The following RASSF3 variants were observed in gnomAD, a reference collection of about 807,000 sequenced individuals.
RASSF3 encodes the protein ras association domain-containing protein 3.
In RASSF3, 19 loss-of-function variants were observed where a neutral mutation model predicts 19.9. The ratio of observed to expected loss-of-function variants is 0.96; its 90% CI spans 0.67 to 1.40. The LOEUF (loss-of-function observed/expected upper bound fraction) is 1.40. Among genes scored for constraint, RASSF3 ranks in the 40% most tolerant of loss-of-function variants. The pLI, the probability that RASSF3 is intolerant of heterozygous loss-of-function variation, is 0.00. For missense variants in RASSF3, 306 were observed against 289.8 expected (o/e 1.06, Z -0.41); for synonymous variants, 110 against 104.2 (o/e 1.06, Z -0.34).
At chr12:64,555,525 G>A (rs998654219) in intron 2 of RASSF3, among the ~76,000 whole-genome samples, 10 of 152,170 alleles carry the variant, frequency 6.6e-5, no homozygotes, top group South Asian at 2.1e-4. Flanking sequence ...CGAGGCAGGC[G>A]GATCATGAGG....
chr12:64,666,099 G>A (rs1201540571), intron 1 of RASSF3, among the ~76,000 whole-genome samples: 1 of 152,246 alleles, frequency 6.6e-6, no homozygotes, highest in Non-Finnish European at 1.5e-5. Context: ...TTTTTATGGA[G>A]CCATGCTTTT....
intron 1 of RASSF3, among the ~76,000 whole-genome samples, chr12:64,664,547 T>G (rs1872484815): frequency 6.6e-6 from 1 of 152,230 alleles, no homozygotes; most frequent in Admixed American, 6.5e-5. Context: ...CCTTAAGTAC[T>G]TGTTTCAACA....
intron 1 of RASSF3, among the ~76,000 whole-genome samples, chr12:64,536,212 T>C (rs12809605): frequency 0.091 from 13,755 of 150,924 alleles, 735 homozygotes; most frequent in Middle Eastern, 0.22. Flanking sequence ...TAGTAGTGAC[T>C]TGTTAGCCAG....
upstream of RASSF3, among the ~76,000 whole-genome samples, chr12:64,606,036 A>G (rs183942768): frequency 1.2e-4 from 19 of 152,366 alleles, no homozygotes; most frequent in African/African-American, 4.3e-4. Context: ...TTTGTCCACA[A>G]TATGGCTACA....
At chr12:64,674,441 C>A (rs1480347484) in intron 1 of RASSF3, among the ~76,000 whole-genome samples, 1 of 152,140 alleles carries the variant, frequency 6.6e-6, no homozygotes, top group Non-Finnish European at 1.5e-5. Flanking sequence ...AGCAGCCAGG[C>A]ACAGTGGCTT....
At chr12:64,583,722 C>T (rs1422947797) in intron 2 of RASSF3, among the ~76,000 whole-genome samples, 1 of 152,186 alleles carries the variant, frequency 6.6e-6, no homozygotes, top group African/African-American at 2.4e-5. Flanking sequence ...TTCCATCCAA[C>T]TCCTCCACCC....
In RASSF3 at chr12:64,555,618, G is replaced by A. The variant is rs139612641; in HGVS notation, c.294+13913G>A. On this transcript the variant is annotated intron_variant, in intron 2 of 5. Transcript: ENST00000637125. ...CAAAAAATTAGCAAGGTATGGTGGC[G>A]GGCGCTTATAGTCCCAGCTACTCGG... is the stretch of plus-strand genomic sequence containing the variant. Among the ~76,000 whole-genome samples, 587 of 152,152 alleles carry A rather than the reference G, an allele frequency of 3.9e-3. 5 individuals carry two copies. Among genetic ancestry groups the A allele is most frequent in the Non-Finnish European group, 6.0e-3 (410 of 67,990 alleles).
chr12:64,618,540 A>G (rs1171881940), intron 1 of RASSF3, among the ~76,000 whole-genome samples: 1 of 151,858 alleles, frequency 6.6e-6, no homozygotes, highest in East Asian at 1.9e-4. Context: ...TGTTGGCCAG[A>G]CTGGTCTCAA....
intron 1 of RASSF3, among the ~76,000 whole-genome samples, chr12:64,522,679 T>C (rs1868503953): frequency 6.6e-6 from 1 of 151,894 alleles, no homozygotes; most frequent in African/African-American, 2.4e-5. Flanking sequence ...GCCAGGAGTC[T>C]CAACGCAAGA....
At chr12:64,679,522 C>G (rs1224457628) in intron 1 of RASSF3, among the ~76,000 whole-genome samples, 3 of 152,146 alleles carry the variant, frequency 2.0e-5, no homozygotes, top group Non-Finnish European at 2.9e-5. Context: ...CTTAGAAAGT[C>G]TGAGTTGTGA....
At chr12:64,556,892 A>C (rs1241941209) in intron 2 of RASSF3, among the ~76,000 whole-genome samples, 2 of 137,824 alleles carry the variant, frequency 1.5e-5, no homozygotes, top group Non-Finnish European at 3.0e-5. Context: ...GCTGAAGTGC[A>C]GTGGTGCCAT....
At chr12:64,578,553 G>A (rs1489288719) in intron 2 of RASSF3, among the ~76,000 whole-genome samples, 1 of 152,164 alleles carries the variant, frequency 6.6e-6, no homozygotes, top group Non-Finnish European at 1.5e-5. Context: ...CTGCTCCTCT[G>A]GACACTGAGG....
At chr12:64,610,317 GGGGCGGGCCGGGCTCCCCCCACCTGC>G (rs984853939), upstream of RASSF3, among the ~76,000 whole-genome samples, 6 of 150,846 alleles carry the variant, frequency 4.0e-5, no homozygotes, top group African/African-American at 9.7e-5. Context: ...GCGCCTGGAA[GGGGCGGGCCGGGCTCCCCCCACCTGC>G]GGGCGGGCGG....
rs537447828 is a variant in RASSF3 at position 64,658,947 on chromosome 12, G to T, written c.112-25840G>T. 2.6e-5 allele frequency among the ~76,000 whole-genome samples: 4 copies of T among 152,300 alleles called. No individual in the cohort carries two copies. In the South Asian group the frequency reaches 8.3e-4, roughly 32 times the overall value. On this transcript the variant is annotated intron_variant, in intron 1 of 4. Transcript: ENST00000542104. ...TAGCCAGGTGTGGTGATGTACACCT[G>T]TAGTCCCAGCTACTCAGGAAGCAGA...
intron 1 of RASSF3, among the ~76,000 whole-genome samples, chr12:64,508,479 C>T (rs1479606540): frequency 1.3e-5 from 2 of 151,234 alleles, no homozygotes; most frequent in East Asian, 1.9e-4. Context: ...ATCATGCCAC[C>T]GTACTCCAGC....
chr12:64,656,323 A>G (rs565172824), intron 1 of RASSF3, among the ~76,000 whole-genome samples: 4 of 152,262 alleles, frequency 2.6e-5, no homozygotes, highest in Non-Finnish European at 4.4e-5. Flanking sequence ...GGCTGTGACT[A>G]CTAGTGGGCC....
chr12:64,588,857 T>C (rs1869863093), intron 2 of RASSF3, among the ~76,000 whole-genome samples: 1 of 152,208 alleles, frequency 6.6e-6, no homozygotes, highest in Non-Finnish European at 1.5e-5. Context: ...AAGATGACTT[T>C]AATGTCTATA....
intron 1 of RASSF3, among the ~76,000 whole-genome samples, chr12:64,513,429 G>A (rs968999164): frequency 2.1e-5 from 3 of 142,016 alleles, no homozygotes; most frequent in Admixed American, 7.3e-5. Flanking sequence ...CAGCCTGGGC[G>A]ACAAGAGCAG....
chr12:64,628,991 G>A (rs1871082227), intron 1 of RASSF3, among the ~76,000 whole-genome samples: 1 of 151,914 alleles, frequency 6.6e-6, no homozygotes, highest in Admixed American at 6.6e-5. Context: ...CTGGAGTGCA[G>A]TGGCGTGAAC....
Sources: gnomAD v4.1 joint callset for allele counts (sites outside exome capture counted in the v4.1 genomes callset) on GRCh38, gnomAD v4.1.1 for gene constraint, MANE v1.5 for transcripts, NCBI Gene and HGNC (gene_info 2026-07-23, HGNC 2026-07-21) for gene names.